CAMTA1: variants seen among roughly 807,000 people sequenced by gnomAD.
The protein encoded by CAMTA1 is calmodulin-binding transcription activator 1.
CAMTA1 carries 27 observed loss-of-function variants against 170.9 expected under a neutral mutation model. That is an observed-to-expected ratio of 0.16 (90% CI 0.12 to 0.22). The LOEUF (loss-of-function observed/expected upper bound fraction) is 0.22, where lower values mean the gene tolerates loss of function less well. Ranked by LOEUF, CAMTA1 falls within the 10% of genes least tolerant of loss-of-function variation. The pLI, the probability that CAMTA1 is intolerant of heterozygous loss-of-function variation, is 1.00. For missense variants in CAMTA1, 1,619 were observed against 2,217.2 expected, an observed-to-expected ratio of 0.73 and a Z score of 5.42; for synonymous variants, 833 against 891.5, an observed-to-expected ratio of 0.93 and a Z score of 1.17.
At chr1:7,672,807 C>T (rs891376772) in intron 10 of CAMTA1, among the ~76,000 whole-genome samples, 1 of 152,122 alleles carries the variant, frequency 6.6e-6, no homozygotes, top group Non-Finnish European at 1.5e-5. Flanking sequence ...GAACCCAGCA[C>T]CATCTTCCCC....
At chr1:7,285,982 C>G (rs1280886686) in intron 5 of CAMTA1, among the ~76,000 whole-genome samples, 1 of 152,174 alleles carries the variant, frequency 6.6e-6, no homozygotes, top group Non-Finnish European at 1.5e-5. Context: ...GGAAAGAGAC[C>G]TGCCCGCTAG....
chr1:7,165,768 T>A (rs1318235873), intron 4 of CAMTA1, among the ~76,000 whole-genome samples: 2 of 152,218 alleles, frequency 1.3e-5, no homozygotes, highest in African/African-American at 2.4e-5. Context: ...AATACTTTTA[T>A]CACATATTTA....
At chr1:7,469,369 T>C (rs1172375488) in intron 6 of CAMTA1, among the ~76,000 whole-genome samples, 1 of 152,204 alleles carries the variant, frequency 6.6e-6, no homozygotes, top group Non-Finnish European at 1.5e-5. Flanking sequence ...CTCTACCCGA[T>C]GAAGGGTGGG....
rs1336715608 is a variant in CAMTA1, at chr1:7,050,536, G to A, written c.235-40768G>A. ...GTGTGGAGTCTAGGGCTGAAGTCAC[G>A]GGGTAGACTTCAGACTTCTGCAAAC... On this transcript the variant is annotated intron_variant, in intron 3 of 22. Transcript: ENST00000303635. The surrounding 1 kb of genome is among the most constrained non-coding windows in gnomAD (Gnocchi z 4.8). 2.0e-5 allele frequency among the ~76,000 whole-genome samples: 3 copies of A among 152,186 alleles called. No individual in the cohort carries two copies. The highest frequency in any genetic ancestry group is 1.9e-4 in the East Asian group (1 of 5,188).
intron 3 of CAMTA1, among the ~76,000 whole-genome samples, chr1:7,053,262 A>G (rs1315560393): frequency 6.6e-6 from 1 of 151,970 alleles, no homozygotes; most frequent in Non-Finnish European, 1.5e-5. Flanking sequence ...GTGTCTGCGT[A>G]TGCTCCCATC....
intron 6 of CAMTA1, among the ~76,000 whole-genome samples, chr1:7,486,831 C>G (rs1215060761): frequency 6.6e-6 from 1 of 152,180 alleles, no homozygotes; most frequent in Non-Finnish European, 1.5e-5. Flanking sequence ...GAGGGAAGGT[C>G]CTGCCTCTGA....
intron 3 of CAMTA1, among the ~76,000 whole-genome samples, chr1:6,948,875 G>A (rs1353236428): frequency 2.0e-5 from 3 of 152,270 alleles, no homozygotes; most frequent in East Asian, 3.9e-4. Flanking sequence ...TTATTAAAGG[G>A]AAACAAAGAT....
At chr1:6,854,092 G>A (rs1473433421) in intron 3 of CAMTA1, among the ~76,000 whole-genome samples, 4 of 152,116 alleles carry the variant, frequency 2.6e-5, no homozygotes, top group South Asian at 2.1e-4. Context: ...TAATCTAGAC[G>A]TACTACTGTC....
intron 7 of CAMTA1, among the ~76,000 whole-genome samples, chr1:7,658,149 C>T (rs988297722): frequency 1.3e-5 from 2 of 152,224 alleles, no homozygotes; most frequent in African/African-American, 4.8e-5. Flanking sequence ...CAGCTCATCT[C>T]CACAGACAGC....
chr1:7,104,755 G>T (rs148456525), intron 4 of CAMTA1, among the ~76,000 whole-genome samples: 76 of 152,300 alleles, frequency 5.0e-4, no homozygotes, highest in Non-Finnish European at 9.8e-4. Flanking sequence ...ACAAGGGGTC[G>T]TGCTGGCTGT....
intron 4 of CAMTA1, among the ~76,000 whole-genome samples, chr1:7,099,034 C>T (rs1558093730): frequency 6.6e-6 from 1 of 152,078 alleles, no homozygotes; most frequent in African/African-American, 2.4e-5. Flanking sequence ...GGCTCCTGCC[C>T]ACCCCGCCAC....
intron 3 of CAMTA1, among the ~76,000 whole-genome samples, chr1:6,907,882 A>T (rs1678886932): frequency 6.6e-6 from 1 of 151,920 alleles, no homozygotes; most frequent in Admixed American, 6.6e-5. Context: ...CTCCCGCCCC[A>T]CTGTCATTCC....
rs2094525682 is a variant in CAMTA1, at chr1:7,534,378, G to T, written c.510+66477G>T. On this transcript the variant is annotated intron_variant, in intron 6 of 22. Transcript: ENST00000303635. The surrounding 1 kb of genome is among the most constrained non-coding windows in gnomAD (Gnocchi z 5.6). ...AATTAAATCTTCCTGACACCCCGGG[G>T]CCACACGGGGAGAGCTTGCTGCAGA... is the stretch of plus-strand genomic sequence containing the variant. 6.6e-6 allele frequency among the ~76,000 whole-genome samples: 1 copy of T among 152,154 alleles called. No individual in the cohort carries two copies. The highest frequency in any genetic ancestry group is 6.5e-5 in the Admixed American group (1 of 15,284).
intron 5 of CAMTA1, among the ~76,000 whole-genome samples, chr1:7,252,666 C>T (rs1330003426): frequency 4.6e-5 from 7 of 152,224 alleles, no homozygotes; most frequent in Admixed American, 4.6e-4. Flanking sequence ...TCAGCATCTT[C>T]ATCACGTCAG....
intron 19 of CAMTA1, among the ~76,000 whole-genome samples, chr1:7,749,042 G>A (rs1050076914): frequency 1.3e-5 from 2 of 152,146 alleles, no homozygotes; most frequent in Non-Finnish European, 2.9e-5. Flanking sequence ...TCATTATCAA[G>A]GTGGTTATAA....
intron 6 of CAMTA1, among the ~76,000 whole-genome samples, chr1:7,523,722 C>CAA (rs70984089): frequency 0.061 from 8,894 of 146,690 alleles, 738 homozygotes; most frequent in African/African-American, 0.19. Flanking sequence ...ACTAAATATA[C>CAA]AAAAAAAAAA....
chr1:7,452,898 A>T (rs1463930969), intron 5 of CAMTA1, among the ~76,000 whole-genome samples: 2 of 152,160 alleles, frequency 1.3e-5, no homozygotes, highest in South Asian at 4.1e-4. Context: ...GCTGGGTTGT[A>T]TGCTAATCCT....
In CAMTA1 at chr1:7,594,217, G is replaced by GGAAGGAAGGAA. The variant is rs1314599542; in HGVS notation, c.511-46181_511-46171dup. ...GGAGGGAGGGGAAGGAAGGAAGGAA[G>GGAAGGAAGGAA]GAAGGAAGGAAGGAAGGAAGGAAGA... is the stretch of plus-strand genomic sequence containing the variant. On this transcript the variant is annotated intron_variant, in intron 6 of 22. Transcript: ENST00000303635. Among the ~76,000 whole-genome samples, 381 of 150,192 alleles carry GGAAGGAAGGAA rather than the reference G, an allele frequency of 2.5e-3. 2 individuals are homozygous for GGAAGGAAGGAA. Among genetic ancestry groups the GGAAGGAAGGAA allele is most frequent in the African/African-American group, 8.7e-3 (352 of 40,452 alleles).
At chr1:6,880,395 T>G (rs1207092543) in intron 3 of CAMTA1, among the ~76,000 whole-genome samples, 1 of 147,314 alleles carries the variant, frequency 6.8e-6, no homozygotes, top group African/African-American at 2.5e-5. Context: ...TTTTTTTTTT[T>G]TTTTTTTTTT....
Sources: allele counts gnomAD v4.1 joint callset (sites outside exome capture counted in the v4.1 genomes callset), GRCh38; gene constraint gnomAD v4.1.1; non-coding constraint Gnocchi (gnomAD v3.1); transcripts MANE v1.5; gene names NCBI Gene and HGNC (gene_info 2026-07-23, HGNC 2026-07-21).